Variants in CD72 observed in about 807,000 individuals in gnomAD.
CD72 encodes the protein B-cell differentiation antigen CD72.
CD72 carries 28 observed loss-of-function variants against 50.7 expected under a neutral mutation model. That is an observed-to-expected ratio of 0.55 (90% CI 0.41 to 0.76). The LOEUF (loss-of-function observed/expected upper bound fraction) is 0.76. CD72 is among the 30% of genes least tolerant of loss of function. The pLI, the probability that CD72 is intolerant of heterozygous loss-of-function variation, is 0.00. For missense variants in CD72, 403 were observed against 420.6 expected (o/e 0.96, Z 0.37); for synonymous variants, 176 against 171.2 (o/e 1.03, Z -0.22).
At chr9:35,636,164 CA>C (rs1823288097) in intron 1 of CD72, among the ~76,000 whole-genome samples, 3 of 152,122 alleles carry the variant, frequency 2.0e-5, no homozygotes, top group African/African-American at 7.2e-5. Flanking sequence ...GGTTGTTTAA[CA>C]GCATCCTTGA....
At chr9:35,628,228 A>T (rs1253637674) in intron 1 of CD72, among the ~76,000 whole-genome samples, 1 of 152,088 alleles carries the variant, frequency 6.6e-6, no homozygotes, top group Non-Finnish European at 1.5e-5. Flanking sequence ...TTGGCCTCCG[A>T]AGTATCTGGG....
intron 1 of CD72, among the ~76,000 whole-genome samples, chr9:35,629,092 G>C (rs905058963): frequency 2.6e-5 from 4 of 151,830 alleles, no homozygotes; most frequent in African/African-American, 9.7e-5. Flanking sequence ...GCCCAGGTTG[G>C]TCTCAAACTC....
intron 7 of CD72, among the ~76,000 whole-genome samples, chr9:35,611,001 C>T (rs967069788): frequency 1.3e-5 from 2 of 152,090 alleles, no homozygotes; most frequent in Admixed American, 6.5e-5. Context: ...CCTGCAATCC[C>T]AGCACTTTGG....
chr9:35,617,103 G>A, intron 3 of CD72, 73 bp downstream of exon 3: 1 of 1,540,662 alleles, frequency 6.5e-7, no homozygotes, highest in African/African-American at 1.4e-5. Context: ...CACCCCGCGG[G>A]GCCCAGCGCC....
At chr9:35,610,909 A>T (rs995034946) in intron 7 of CD72, among the ~76,000 whole-genome samples, 156 bp from the exon 8 acceptor site, 4 of 152,160 alleles carry the variant, frequency 2.6e-5, no homozygotes, top group African/African-American at 9.7e-5. Context: ...AGTTCAACTA[A>T]AACAGACTTT....
In CD72 at chr9:35,618,054, C is replaced by T; in HGVS notation, c.150G>A (p.Val50=). ...GTACAGAAGAAGCCAAGCTTGAGGGCACCCCTAGGACTGCGGGCACTTGAA... is the reference window on the plus strand; with the variant it reads ...GTACAGAAGAAGCCAAGCTTGAGGGTACCCCTAGGACTGCGGGCACTTGAA... ...ENVQVPAVLG[V]PSSLASSVLG... Residue 50 remains valine (V), a synonymous_variant, in exon 2 of 9, where the codon GTG becomes GTA. Transcript: ENST00000259633. The T allele has an allele frequency of 6.2e-7, 1 of 1,613,950 alleles. No homozygotes were observed. The highest frequency in any genetic ancestry group is 8.5e-7 in the Non-Finnish European group (1 of 1,179,826).
chr9:35,633,200 C>T (rs1463605572), intron 1 of CD72, among the ~76,000 whole-genome samples: 1 of 151,726 alleles, frequency 6.6e-6, no homozygotes, highest in Non-Finnish European at 1.5e-5. Context: ...CCTTGGCTTC[C>T]CAAAGCGCTG....
rs1822954517 is a variant in CD72 at position 35,610,293 on chromosome 9, A to C, written c.*30T>G. The stretch of plus-strand genomic sequence containing the variant: ...AGGAGGGGCACAGGTTCTTGTTGGC[A>C]TGAGTGTCTGGAAAAGTAAAGTATC... On this transcript the variant is annotated 3_prime_UTR_variant, in exon 9 of 9. Coordinates refer to ENST00000259633, the MANE Select transcript of CD72 (RefSeq NM_001782.3). 2 of 240,908 alleles carry C rather than the reference A, an allele frequency of 8.3e-6. No homozygotes were observed. Among genetic ancestry groups the C allele is most frequent in the Non-Finnish European group, 1.6e-5 (2 of 126,150 alleles). 14.9% of individuals were successfully genotyped at this position (240,908 alleles called of 1,614,324 possible).
At chr9:35,614,160 G>T (rs994371042) in intron 5 of CD72, among the ~76,000 whole-genome samples, 7 of 152,190 alleles carry the variant, frequency 4.6e-5, no homozygotes, top group South Asian at 2.1e-4. Context: ...GTCAGTGTAG[G>T]GTTTTACATA....
intron 6 of CD72, among the ~76,000 whole-genome samples, chr9:35,612,306 C>T (rs767676439): frequency 6.6e-5 from 10 of 152,210 alleles, no homozygotes; most frequent in South Asian, 6.2e-4. Context: ...AAGTAGAGGC[C>T]GGGCGCAGTG....
Position 35,617,234 on chromosome 9 carries a change from C to G in CD72, c.204G>C (p.Glu68Asp). The change falls in exon 3 of 9, where the codon GAG (glutamate) becomes GAC (aspartate). Residue 68 changes from glutamate to aspartate, a missense_variant. Glu to Asp is a conservative substitution (Grantham distance 45). Transcript: ENST00000259633. ...CGGCTCTCCAGGACGCAGTTGGCTGCTCCGACTTGACCGCTGTCGAGGGGA... is the reference window on the plus strand; with the variant it reads ...CGGCTCTCCAGGACGCAGTTGGCTGGTCCGACTTGACCGCTGTCGAGGGGA... Reference protein sequence around the residue: ...VLGDKAAVKSEQPTASWRAVT... With the variant: ...VLGDKAAVKSDQPTASWRAVT... 6.4e-7 allele frequency: 1 copy of G among 1,559,886 alleles called. No homozygotes were observed. The highest frequency in any genetic ancestry group is 8.7e-7 in the Non-Finnish European group (1 of 1,151,860).
chr9:35,640,636 GGGATGGGAGTCAGCAGCA>G (rs1219026783), intron 1 of CD72, among the ~76,000 whole-genome samples: 1 of 152,250 alleles, frequency 6.6e-6, no homozygotes, highest in Non-Finnish European at 1.5e-5. Context: ...CGGATCTGGA[GGGATGGGAGTCAGCAGCA>G]GGATGGGAGT....
chr9:35,644,947 A>G (rs56033149), intron 1 of CD72, among the ~76,000 whole-genome samples: 60,200 of 149,280 alleles, frequency 0.4, 12,951 homozygotes, highest in Non-Finnish European at 0.47. Context: ...CACGCCTGTA[A>G]TCCCAGCACT....
intron 1 of CD72, among the ~76,000 whole-genome samples, chr9:35,637,288 CT>C (rs1823299548): frequency 6.6e-6 from 1 of 152,242 alleles, no homozygotes; most frequent in African/African-American, 2.4e-5. Context: ...AATAAACAGC[CT>C]TATTGCTCAC....
intron 1 of CD72, among the ~76,000 whole-genome samples, chr9:35,644,832 G>T (rs1047768581): frequency 1.9e-4 from 29 of 150,900 alleles, no homozygotes; most frequent in African/African-American, 6.6e-4. Context: ...CTGTCTGTTG[G>T]TCTTTCCCCC....
intron 8 of CD72, 77 bp from the exon 9 acceptor site, chr9:35,610,377 A>G (rs1822956373): frequency 4.6e-6 from 2 of 437,864 alleles, no homozygotes; most frequent in African/African-American, 4.0e-5. Flanking sequence ...TCTCCTCCTC[A>G]GCTCTCGACA....
At chr9:35,621,510 G>A (rs117293186), upstream of CD72, among the ~76,000 whole-genome samples, 1,356 of 152,340 alleles carry the variant, frequency 8.9e-3, 8 homozygotes, top group Non-Finnish European at 0.015. Context: ...CTGACAGGGT[G>A]TGGTAGCCAG....
chr9:35,644,844 C>A (rs1435452610), intron 1 of CD72, among the ~76,000 whole-genome samples: 1 of 144,852 alleles, frequency 6.9e-6, no homozygotes, highest in African/African-American at 2.6e-5. Context: ...CTTTCCCCCA[C>A]AGAATTAGTC....
chr9:35,616,519 G>A lies in CD72; in HGVS notation c.352+81C>T, dbSNP rs1219520088. 4 of 1,189,094 alleles carry A rather than the reference G, an allele frequency of 3.4e-6. No individual in the cohort carries two copies. The African/African-American group carries it at 6.0e-5, about 18-fold the overall frequency. 73.7% of individuals were successfully genotyped at this position (1,189,094 alleles called of 1,614,324 possible). A position where few individuals can be genotyped will look rare whatever the true frequency, so the allele number is the denominator to read the frequency against. ...GGTGGTGGTAGTGACTATGATCCCT[G>A]CTGAGGAAGATCAGCTTTGGGGCGA... On this transcript the variant is annotated intron_variant, in intron 4 of 8. Coordinates refer to ENST00000259633, the MANE Select transcript of CD72 (RefSeq NM_001782.3).
Sources: allele counts gnomAD v4.1 joint callset (sites outside exome capture counted in the v4.1 genomes callset), GRCh38; gene constraint gnomAD v4.1.1; transcripts MANE v1.5; gene names NCBI Gene and HGNC (gene_info 2026-07-23, HGNC 2026-07-21).